DENND2A: variants seen among roughly 807,000 people sequenced by gnomAD.
The protein encoded by DENND2A is DENN domain-containing protein 2A.
In DENND2A, 53 loss-of-function variants were observed where a neutral mutation model predicts 105.3. That is an observed-to-expected ratio of 0.50 (90% confidence interval 0.40 to 0.63). The LOEUF (loss-of-function observed/expected upper bound fraction) is 0.63. Among genes scored for constraint, DENND2A ranks in the 30% least tolerant of loss-of-function variants. DENND2A has a pLI of 0.00. For synonymous variants in DENND2A, 522 were observed against 508.4 expected, an observed-to-expected ratio of 1.03 and a Z score of -0.36; for missense variants, 1,138 against 1,279.6, an observed-to-expected ratio of 0.89 and a Z score of 1.69.
intron 3 of DENND2A, among the ~76,000 whole-genome samples, chr7:140,592,300 C>T (rs1585711538): frequency 6.6e-6 from 1 of 151,010 alleles, no homozygotes; most frequent in South Asian, 2.1e-4. Context: ...TCCACCTCCT[C>T]GGTTCACACC....
chr7:140,569,515 T>C, intron 7 of DENND2A, 130 bp downstream of exon 7: 1 of 734,638 alleles, frequency 1.4e-6, no homozygotes, highest in South Asian at 1.6e-5. Context: ...CCAAAGACAG[T>C]GCGGGACATT....
intron 5 of DENND2A, among the ~76,000 whole-genome samples, chr7:140,583,904 C>T (rs11972091): frequency 0.014 from 1,696 of 120,028 alleles, 153 homozygotes; most frequent in African/African-American, 0.054. Context: ...CCAGCCTGGG[C>T]GACAGAGCAA....
At position 140,523,315 on chromosome 7, in the gene DENND2A, C is replaced by T. The variant is rs752519297; in HGVS notation, c.2657G>A (p.Gly886Asp). The change falls in exon 17 of 20, where the codon GGC (glycine) becomes GAC (aspartate). Residue 886 changes from glycine (G) to aspartate (D), a missense_variant. Gly to Asp is a moderately conservative substitution (Grantham distance 94). This residue lies in a region of DENND2A where 627 missense variants were observed against 779.8 expected (regional missense o/e 0.80). Transcript: ENST00000496613. This position sits in a 1 kb window ranked among gnomAD's most constrained non-coding sequence, Gnocchi z 4.5. ...ACEQDEGPLDGRHGPESSPLN... is the reference protein window; with the variant it reads ...ACEQDEGPLDDRHGPESSPLN... ...GGTGGCTGAACACTTACCGTGCCTG[C>T]CGTCTAGGGGCCCTTCGTCCTGCTC... 6.2e-7 allele frequency: 1 copy of T among 1,614,160 alleles called. No individual in the cohort carries two copies. The highest frequency in any genetic ancestry group is 1.1e-5 in the South Asian group (1 of 91,090).
At position 140,554,874 on chromosome 7, in the gene DENND2A, G is replaced by A. The variant is rs113620510; in HGVS notation, c.2037+762C>T. On this transcript the variant is annotated intron_variant, in intron 12 of 19. Transcript: ENST00000496613. ...ATATGAATATTTTGATAAACTTAGA[G>A]CACTATTAAAATAATTAATCCCCCC... is the stretch of plus-strand genomic sequence containing the variant. Among the ~76,000 whole-genome samples the A allele has an allele frequency of 6.5e-3, 993 of 152,178 alleles. 15 individuals are homozygous for A. Among genetic ancestry groups the A allele is most frequent in the African/African-American group, 0.023 (947 of 41,536 alleles).
rs147440749 is a variant in DENND2A at position 140,539,403 on chromosome 7, G to A, written c.2327+5215C>T. ...TAAGGGAGGCGGGGAGGGCCCTGAG[G>A]AGAAAAGCACAGACTTCCCCATGAC... is the stretch of plus-strand genomic sequence containing the variant. On this transcript the variant is annotated intron_variant, in intron 14 of 19. Coordinates refer to ENST00000496613, the MANE Select transcript of DENND2A (RefSeq NM_015689.5). Among the ~76,000 whole-genome samples the A allele has an allele frequency of 2.4e-3, 359 of 152,288 alleles. 3 individuals carry two copies. The highest frequency in any genetic ancestry group is 8.3e-3 in the African/African-American group (347 of 41,566).
At chr7:140,589,110 T>C (rs904774371) in intron 3 of DENND2A, among the ~76,000 whole-genome samples, 3 of 152,080 alleles carry the variant, frequency 2.0e-5, no homozygotes, top group African/African-American at 7.2e-5. Context: ...TCCAGGTATA[T>C]TGGGAAAAGG....
chr7:140,528,276 C>T (rs1796134687), intron 14 of DENND2A, among the ~76,000 whole-genome samples: 1 of 152,340 alleles, frequency 6.6e-6, no homozygotes, highest in East Asian at 1.9e-4. Context: ...AAGATGCTTT[C>T]TATTGAAACA....
intron 1 of DENND2A, among the ~76,000 whole-genome samples, chr7:140,625,561 AAACTC>A (rs1389127400): frequency 3.3e-5 from 5 of 152,134 alleles, no homozygotes; most frequent in African/African-American, 1.2e-4. Flanking sequence ...GTGTGCCTGT[AAACTC>A]AGCTTCTGTG....
intron 12 of DENND2A, among the ~76,000 whole-genome samples, chr7:140,550,463 T>A (rs570924731): frequency 2.3e-4 from 35 of 152,242 alleles, no homozygotes; most frequent in Non-Finnish European, 4.3e-4. Context: ...GTTCAAGCGA[T>A]TCTCCTGCCT....
chr7:140,607,825 A>G (rs115343909), intron 1 of DENND2A, among the ~76,000 whole-genome samples: 2,368 of 152,212 alleles, frequency 0.016, 70 homozygotes, highest in African/African-American at 0.053. Context: ...CTTGTTCCAT[A>G]TGAGCCAGCA....
At chr7:140,539,281 G>C (rs1177902017) in intron 14 of DENND2A, among the ~76,000 whole-genome samples, 1 of 152,168 alleles carries the variant, frequency 6.6e-6, no homozygotes, top group Non-Finnish European at 1.5e-5. Context: ...TCTTCCACCT[G>C]GCCCATGGAG....
chr7:140,626,808 G>C (rs1800549727), intron 1 of DENND2A, among the ~76,000 whole-genome samples: 1 of 152,190 alleles, frequency 6.6e-6, no homozygotes, highest in Non-Finnish European at 1.5e-5. Flanking sequence ...CTTGGGGCCA[G>C]CACAAGAGAA....
chr7:140,553,219 G>A (rs1019566219), intron 12 of DENND2A, among the ~76,000 whole-genome samples: 3 of 152,124 alleles, frequency 2.0e-5, no homozygotes, highest in Non-Finnish European at 4.4e-5. Flanking sequence ...ACAATAGTGG[G>A]GAGAGGGTCA....
intron 1 of DENND2A, among the ~76,000 whole-genome samples, chr7:140,611,979 G>A (rs1321040295): frequency 2.0e-5 from 3 of 152,148 alleles, no homozygotes; most frequent in African/African-American, 7.2e-5. Context: ...GGTGGCTCAC[G>A]TCTGTAATTC....
rs1300012793 is a variant in DENND2A at position 140,523,410 on chromosome 7, GTCC to G, written c.2559_2561del (p.Glu853del). 2 of 1,614,056 alleles carry G rather than the reference GTCC, an allele frequency of 1.2e-6. No individual in the cohort carries two copies. The highest frequency in any genetic ancestry group is 1.7e-6 in the Non-Finnish European group (2 of 1,180,034). On this transcript the variant is annotated inframe_deletion, in exon 17 of 20. Transcript: ENST00000496613. This position sits in a 1 kb window ranked among gnomAD's most constrained non-coding sequence, Gnocchi z 4.5. ...CCTGAAGCTTCCGGGGCAGGATGGAGTCCTCATCGTCCATCTGGAAAGCAGAGG... is the reference window on the plus strand; with the variant it reads ...CCTGAAGCTTCCGGGGCAGGATGGAGTCATCGTCCATCTGGAAAGCAGAGG...
intron 1 of DENND2A, among the ~76,000 whole-genome samples, chr7:140,625,921 G>A (rs1226312228): frequency 6.6e-6 from 1 of 152,190 alleles, no homozygotes; most frequent in Admixed American, 6.5e-5. Flanking sequence ...CTGCAATGAT[G>A]AATGAACAGC....
chr7:140,591,263 T>TTCCAGCCACTGCAC (rs1799005466), intron 3 of DENND2A, among the ~76,000 whole-genome samples: 1 of 152,140 alleles, frequency 6.6e-6, no homozygotes, highest in Admixed American at 6.6e-5. Flanking sequence ...AGCCACTGCA[T>TTCCAGCCACTGCAC]TCCAGCCACT....
Position 140,606,347 on chromosome 7 carries a change from C to T in DENND2A, c.-247-541G>A, listed in dbSNP as rs572659476. ...GAGCCACTGTGCCTGGCCCTCTTTG[C>T]ATATATCTTTTAGCTAAGGTCACCA... On this transcript the variant is annotated intron_variant, in intron 1 of 19. Transcript: ENST00000496613. Among the ~76,000 whole-genome samples the T allele has an allele frequency of 6.6e-5, 10 of 152,088 alleles. No individual in the cohort carries two copies. The East Asian group carries it at 1.2e-3, about 18-fold the overall frequency.
chr7:140,609,597 G>C (rs1466552814), intron 1 of DENND2A, among the ~76,000 whole-genome samples: 1 of 152,162 alleles, frequency 6.6e-6, no homozygotes, highest in African/African-American at 2.4e-5. Context: ...GAGTACACAA[G>C]AGTTCATATA....
Sources: allele counts gnomAD v4.1 joint callset (sites outside exome capture counted in the v4.1 genomes callset), GRCh38; gene constraint gnomAD v4.1.1; regional missense constraint gnomAD v4.1.1; non-coding constraint Gnocchi (gnomAD v3.1); transcripts MANE v1.5; gene names NCBI Gene and HGNC (gene_info 2026-07-23, HGNC 2026-07-21).